The following KAZN variants were observed in gnomAD, a reference collection of about 807,000 sequenced individuals.
KAZN encodes kazrin, periplakin interacting protein.
KAZN carries 40 observed loss-of-function variants against 87.4 expected under a neutral mutation model. That is an observed-to-expected ratio of 0.46 (90% confidence interval 0.36 to 0.60). The LOEUF is 0.60. Ranked by LOEUF, KAZN falls within the 20% of genes least tolerant of loss-of-function variation. KAZN has a pLI of 0.00. For synonymous variants in KAZN, 466 were observed against 458.3 expected (o/e 1.02, Z -0.22); for missense variants, 898 against 1,073.9 (o/e 0.84, Z 2.29).
Position 14,259,174 on chromosome 1 carries a change from C to T in KAZN, c.249+78582C>T, listed in dbSNP as rs533070566. ...TCACGTGGCTAGGCAGCATGCATGC[C>T]GGGCCCTCCTGGCTCCGCACTTGGT... is the stretch of plus-strand genomic sequence containing the variant. On this transcript the variant is annotated intron_variant, in intron 2 of 16. Transcript: ENST00000636203. 1.1e-4 allele frequency among the ~76,000 whole-genome samples: 16 copies of T among 152,124 alleles called. No homozygotes were observed. The South Asian group carries it at 1.2e-3, about 12-fold the overall frequency.
chr1:14,813,780 G>A (rs1384493354), intron 1 of KAZN, among the ~76,000 whole-genome samples: 6 of 152,198 alleles, frequency 3.9e-5, no homozygotes, highest in Non-Finnish European at 7.3e-5. Flanking sequence ...GGCTTGTCAT[G>A]CAGCCATGGA....
intron 2 of KAZN, among the ~76,000 whole-genome samples, chr1:14,456,047 A>T (rs1667548745): frequency 6.6e-6 from 1 of 152,226 alleles, no homozygotes; most frequent in Non-Finnish European, 1.5e-5. Flanking sequence ...TTAAAAATGA[A>T]TATCACCAAG....
chr1:14,943,031 T>G lies in KAZN; in HGVS notation c.227-17653T>G, dbSNP rs1292471685. On this transcript the variant is annotated intron_variant, in intron 1 of 14. Transcript: ENST00000376030. Reference sequence around the variant, plus strand: ...TGGTGTGTGTGTGTGTGTGTGTGTGTGTGTGTGTGTGTGTGTGTGTTGGGG... The same window carrying G: ...TGGTGTGTGTGTGTGTGTGTGTGTGGGTGTGTGTGTGTGTGTGTGTTGGGG... Among the ~76,000 whole-genome samples, 109 of 136,686 alleles carry G rather than the reference T, an allele frequency of 8.0e-4. 6 individuals carry two copies. The highest frequency in any genetic ancestry group is 3.4e-3 in the African/African-American group (100 of 29,142). The allele number at this position is 136,686 out of a possible 152,430, so 89.7% of individuals were successfully genotyped here. A position where few individuals can be genotyped will look rare whatever the true frequency, so the allele number is the denominator to read the frequency against.
At chr1:13,955,938 T>G (rs1641529293) in intron 1 of KAZN, among the ~76,000 whole-genome samples, 1 of 152,122 alleles carries the variant, frequency 6.6e-6, no homozygotes, top group Non-Finnish European at 1.5e-5. Context: ...GTCACGCCAG[T>G]CATTCTAAGA....
intron 13 of KAZN, among the ~76,000 whole-genome samples, chr1:15,107,515 A>AGC (rs1641336726): frequency 6.6e-6 from 1 of 152,182 alleles, no homozygotes; most frequent in South Asian, 2.1e-4. Flanking sequence ...GACCCTGGGC[A>AGC]AGTTACTTAA....
chr1:13,977,863 C>T (rs976593667), intron 1 of KAZN, among the ~76,000 whole-genome samples: 2 of 152,186 alleles, frequency 1.3e-5, no homozygotes, highest in Admixed American at 6.5e-5. Context: ...CACGGTGGCT[C>T]ACGCCTGTAA....
At chr1:13,951,955 T>C (rs1641363750) in intron 1 of KAZN, among the ~76,000 whole-genome samples, 1 of 152,200 alleles carries the variant, frequency 6.6e-6, no homozygotes, top group Non-Finnish European at 1.5e-5. Flanking sequence ...TGGGTAGTTT[T>C]AGTAACAGTT....
chr1:15,070,574 C>T (rs140711819), intron 8 of KAZN, among the ~76,000 whole-genome samples: 107 of 152,346 alleles, frequency 7.0e-4, no homozygotes, highest in African/African-American at 2.3e-3. Flanking sequence ...CTGTGACAAA[C>T]GGTATCGTGC....
chr1:15,094,125 GC>G lies in KAZN; in HGVS notation c.1223-51del. The G allele has an allele frequency of 1.3e-6, 2 of 1,551,088 alleles. No individual in the cohort carries two copies. Among genetic ancestry groups the G allele is most frequent in the Non-Finnish European group, 8.8e-7 (1 of 1,136,266 alleles). ...GCCTCCCGGGGGTATGGCCTGCCCAGCCCCTGCCCCCAGCAGCCTCGTCCCC... is the reference window on the plus strand; with the variant it reads ...GCCTCCCGGGGGTATGGCCTGCCCAGCCCTGCCCCCAGCAGCCTCGTCCCC... On this transcript the variant is annotated intron_variant, in intron 8 of 14. Transcript: ENST00000376030. The surrounding 1 kb of genome is among the most constrained non-coding windows in gnomAD (Gnocchi z 4.5).
chr1:14,289,980 T>C (rs1375825139), intron 2 of KAZN, among the ~76,000 whole-genome samples: 1 of 152,220 alleles, frequency 6.6e-6, no homozygotes, highest in Admixed American at 6.5e-5. Flanking sequence ...AAAATTCTTT[T>C]CTTTAAGAAT....
At chr1:14,186,297 C>T (rs1388680552) in intron 2 of KAZN, among the ~76,000 whole-genome samples, 2 of 151,980 alleles carry the variant, frequency 1.3e-5, no homozygotes, top group Admixed American at 1.3e-4. Context: ...GAAATAGTAA[C>T]AAAATCATGT....
At chr1:14,865,699 G>A (rs750944731) in intron 1 of KAZN, among the ~76,000 whole-genome samples, 16 of 152,122 alleles carry the variant, frequency 1.1e-4, no homozygotes, top group Admixed American at 9.2e-4. Context: ...CCAAATTCAT[G>A]TCTACCTGGA....
chr1:14,583,995 C>T (rs1011275557), intron 2 of KAZN, among the ~76,000 whole-genome samples: 2 of 152,314 alleles, frequency 1.3e-5, no homozygotes, highest in Non-Finnish European at 1.5e-5. Flanking sequence ...AGTCCCCGCC[C>T]AGGCTGCAGG....
chr1:14,256,103 C>T (rs1350905481), intron 2 of KAZN, among the ~76,000 whole-genome samples: 2 of 152,172 alleles, frequency 1.3e-5, no homozygotes, highest in African/African-American at 4.8e-5. Flanking sequence ...CCCAGAGCTG[C>T]TTTTTTGCTA....
At chr1:14,523,143 G>A (rs1671674737) in intron 2 of KAZN, among the ~76,000 whole-genome samples, 1 of 152,152 alleles carries the variant, frequency 6.6e-6, no homozygotes, top group South Asian at 2.1e-4. Context: ...GGTGAGGCTG[G>A]GAGGCACCTC....
chr1:14,736,741 G>A (rs1234657283), intron 1 of KAZN, among the ~76,000 whole-genome samples: 1 of 152,140 alleles, frequency 6.6e-6, no homozygotes, highest in African/African-American at 2.4e-5. Context: ...CCCAGGATGT[G>A]CAAGGGTGAA....
chr1:14,384,906 T>C (rs1425068303), intron 2 of KAZN, among the ~76,000 whole-genome samples: 1 of 151,766 alleles, frequency 6.6e-6, no homozygotes, highest in Non-Finnish European at 1.5e-5. Flanking sequence ...AGTTCCTCCT[T>C]GTACCTCTGG....
At position 15,069,575 on chromosome 1, in the gene KAZN, C is replaced by T. The variant is rs111729125; in HGVS notation, c.1222+3822C>T. 2.6e-5 allele frequency among the ~76,000 whole-genome samples: 4 copies of T among 152,278 alleles called. No individual in the cohort carries two copies. In the East Asian group the frequency reaches 7.7e-4, roughly 29 times the overall value. On this transcript the variant is annotated intron_variant, in intron 8 of 14. Coordinates refer to ENST00000376030, the MANE Select transcript of KAZN (RefSeq NM_201628.3). ...CCGGGAGTTGGAGCTTGCAGTGAGC[C>T]GAGATCGCGCCACTGCGCTCCAACC... is the stretch of plus-strand genomic sequence containing the variant.
intron 1 of KAZN, among the ~76,000 whole-genome samples, chr1:14,164,454 T>TTGTGTGTGTGTG (rs59816103): frequency 0.037 from 5,338 of 144,680 alleles, 109 homozygotes; most frequent in African/African-American, 0.048. Context: ...CACTATGGCT[T>TTGTGTGTGTGTG]TGTGTGTGTG....
Sources: allele counts gnomAD v4.1 joint callset (sites outside exome capture counted in the v4.1 genomes callset), GRCh38; gene constraint gnomAD v4.1.1; non-coding constraint Gnocchi (gnomAD v3.1); transcripts MANE v1.5; gene names NCBI Gene and HGNC (gene_info 2026-07-23, HGNC 2026-07-21).